ZNF519: variants seen among roughly 807,000 people sequenced by gnomAD.
The protein encoded by ZNF519 is similar to Zinc finger protein 85 (Zinc finger protein HPF4) (HTF1).
Under a neutral mutation model 7.4 loss-of-function variants are expected in ZNF519, and 7 were observed. That is an observed-to-expected ratio of 0.94 (90% CI 0.54 to 1.77). The LOEUF (loss-of-function observed/expected upper bound fraction) is 1.77. ZNF519 is among the 40% of genes most tolerant of loss of function. ZNF519 has a pLI of 0.00. For synonymous variants in ZNF519, 179 were observed against 203.3 expected, an observed-to-expected ratio of 0.88 and a Z score of 1.02; for missense variants, 586 against 623.1, an observed-to-expected ratio of 0.94 and a Z score of 0.63.
At chr18:14,071,493 G>A (rs2046028228), downstream of ZNF519, 1 of 152,140 alleles carries the variant, frequency 6.6e-6, no homozygotes, top group South Asian at 2.1e-4. Context: ...AAGAAAATTA[G>A]GGTGAATAAT....
chr18:14,083,713 A>G (rs904369366), intron 3 of ZNF519, among the ~76,000 whole-genome samples: 3 of 152,218 alleles, frequency 2.0e-5, no homozygotes, highest in Non-Finnish European at 4.4e-5. Context: ...GTTCAAAGCC[A>G]AATCAATAGT....
intron 2 of ZNF519, among the ~76,000 whole-genome samples, chr18:14,116,681 T>G (rs1188580249): frequency 2.6e-5 from 4 of 152,214 alleles, no homozygotes; most frequent in Admixed American, 6.5e-5. Context: ...AATATTTAAA[T>G]GTAAGAATTA....
At chr18:14,086,235 A>G (rs535373315) in intron 2 of ZNF519, among the ~76,000 whole-genome samples, 1 of 152,310 alleles carries the variant, frequency 6.6e-6, no homozygotes, top group South Asian at 2.1e-4. Flanking sequence ...GTCCCTGTGG[A>G]CAGAGCCACT....
chr18:14,118,715 C>A (rs2046257115), intron 2 of ZNF519, among the ~76,000 whole-genome samples: 1 of 152,176 alleles, frequency 6.6e-6, no homozygotes, highest in Non-Finnish European at 1.5e-5. Context: ...CAACCTGTCT[C>A]AAACTCCTCT....
intron 1 of ZNF519, among the ~76,000 whole-genome samples, chr18:14,130,929 G>A (rs891367253): frequency 1.3e-5 from 2 of 151,948 alleles, no homozygotes; most frequent in African/African-American, 4.8e-5. Flanking sequence ...TCACCCCCAG[G>A]GCATTCAGCT....
rs2046152486 is a variant in ZNF519, at chr18:14,099,977, G to A, written c.*4940C>T. On this transcript the variant is annotated 3_prime_UTR_variant, in exon 3 of 3. Coordinates refer to ENST00000590202, the MANE Select transcript of ZNF519 (RefSeq NM_145287.4). Reference sequence around the variant, plus strand: ...AAAAAAACTTATTTATTGCCTATGTGAGCTAGTAACCAGAATATAAACAGA... The same window carrying A: ...AAAAAAACTTATTTATTGCCTATGTAAGCTAGTAACCAGAATATAAACAGA... The A allele has an allele frequency of 6.6e-6, 1 of 152,150 alleles. No homozygotes were observed. The highest frequency in any genetic ancestry group is 2.1e-4 in the South Asian group (1 of 4,826). 9.4% of individuals were successfully genotyped at this position (152,150 alleles called of 1,614,324 possible). A position where few individuals can be genotyped will look rare whatever the true frequency, so the allele number is the denominator to read the frequency against.
chr18:14,088,261 C>A (rs943831598), intron 2 of ZNF519, among the ~76,000 whole-genome samples: 3 of 152,092 alleles, frequency 2.0e-5, no homozygotes, highest in African/African-American at 7.2e-5. Flanking sequence ...AGTCTTGTTC[C>A]AAAGTAAAGA....
At chr18:14,130,802 G>A (rs2046325563) in intron 1 of ZNF519, among the ~76,000 whole-genome samples, 1 of 151,746 alleles carries the variant, frequency 6.6e-6, no homozygotes, top group Admixed American at 6.6e-5. Context: ...CATCTGATTG[G>A]CTGACAAGCA....
At chr18:14,078,865 T>C (rs1484952832) in intron 3 of ZNF519, among the ~76,000 whole-genome samples, 2 of 152,212 alleles carry the variant, frequency 1.3e-5, no homozygotes, top group Non-Finnish European at 2.9e-5. Flanking sequence ...AGATGTTCTA[T>C]GTGACTGAAA....
At chr18:14,132,165 A>C in intron 1 of ZNF519, 110 bp downstream of exon 1, 1 of 1,307,130 alleles carries the variant, frequency 7.7e-7, no homozygotes, top group Non-Finnish European at 1.1e-6. Context: ...GAGGGGACTG[A>C]GGGCTGAGCT....
downstream of ZNF519, chr18:14,075,804 C>T: frequency 6.6e-6 from 1 of 152,098 alleles, no homozygotes; most frequent in East Asian, 1.9e-4. Context: ...TGAAGGGAAA[C>T]ATGAGGTCTA....
intron 2 of ZNF519, among the ~76,000 whole-genome samples, chr18:14,120,589 AT>A (rs1433115052): frequency 1.1e-4 from 17 of 152,244 alleles, no homozygotes; most frequent in African/African-American, 3.6e-4. Flanking sequence ...GGAAAAAAAA[AT>A]TTTTTTAAAC....
rs1302214553 is a variant in ZNF519, at chr18:14,100,935, A to T, written c.*3982T>A. On this transcript the variant is annotated 3_prime_UTR_variant, in exon 3 of 3. Transcript: ENST00000590202. The stretch of plus-strand genomic sequence containing the variant: ...ATATGAATAACCAATCTATTCCCTC[A>T]GCAGTGCTTTCTACAAGGCCAAGTC... 1 of 152,226 alleles carries T rather than the reference A, an allele frequency of 6.6e-6. No individual in the cohort carries two copies. Among genetic ancestry groups the T allele is most frequent in the African/African-American group, 2.4e-5 (1 of 41,454 alleles). 9.4% of individuals were successfully genotyped at this position (152,226 alleles called of 1,614,324 possible). A position where few individuals can be genotyped will look rare whatever the true frequency, so the allele number is the denominator to read the frequency against.
chr18:14,122,744 C>T (rs1331439560), intron 2 of ZNF519: 3 of 151,982 alleles, frequency 2.0e-5, no homozygotes, highest in Non-Finnish European at 4.4e-5. Flanking sequence ...TCCCAAACTA[C>T]ATTTTTTTTT....
At chr18:14,092,417 A>G (rs990333943) in intron 2 of ZNF519, among the ~76,000 whole-genome samples, 3 of 152,184 alleles carry the variant, frequency 2.0e-5, no homozygotes, top group Non-Finnish European at 4.4e-5. Flanking sequence ...TCAGGGGGAT[A>G]TAAGTGTAGG....
Position 14,106,097 on chromosome 18 carries a change from TTA to T in ZNF519, c.441_442del (p.His147GlnfsTer9). On this transcript the variant is annotated frameshift_variant, in exon 3 of 3. Transcript: ENST00000590202. LOFTEE classifies it low-confidence loss of function (END_TRUNC). ...ATTACAAAAGACAGATTTCAAAAAT[TTA>T]TGTTGATATTTATTCATAGGAATAC... 1.2e-6 allele frequency: 2 copies of T among 1,606,140 alleles called. No homozygotes were observed. The highest frequency in any genetic ancestry group is 1.1e-5 in the South Asian group (1 of 89,076).
chr18:14,105,764 T>C lies in ZNF519; in HGVS notation c.776A>G (p.Asn259Ser), dbSNP rs767359477. The change falls in exon 3 of 3, where the codon AAC becomes AGC. Residue 259 changes from asparagine to serine, a missense_variant. Coordinates refer to ENST00000590202, the MANE Select transcript of ZNF519 (RefSeq NM_145287.4). Reference sequence around the variant, plus strand: ...ATATTTCACTGATTTTTCTCCAGTGTTAATTATCTTATGTCCCTTTAGATG... The same window carrying C: ...ATATTTCACTGATTTTTCTCCAGTGCTAATTATCTTATGTCCCTTTAGATG... ...QSHLKGHKII[N>S]TGEKSVKYKE... 1 of 1,613,814 alleles carries C rather than the reference T, an allele frequency of 6.2e-7. No individual in the cohort carries two copies. The highest frequency in any genetic ancestry group is 1.1e-5 in the South Asian group (1 of 91,034).
chr18:14,128,144 T>G (rs1295554698), intron 1 of ZNF519, among the ~76,000 whole-genome samples: 1 of 150,324 alleles, frequency 6.7e-6, no homozygotes. Flanking sequence ...AAAAAAAAAA[T>G]TAGCCGGGTG....
chr18:14,078,442 AAT>A (rs1379174169), intron 3 of ZNF519: 3 of 152,218 alleles, frequency 2.0e-5, no homozygotes, highest in Non-Finnish European at 2.9e-5. Flanking sequence ...TACAGAAAAA[AAT>A]AGACATTTAT....
Sources: gnomAD v4.1 joint callset for allele counts (sites outside exome capture counted in the v4.1 genomes callset) on GRCh38, gnomAD v4.1.1 for gene constraint, MANE v1.5 for transcripts, NCBI Gene and HGNC (gene_info 2026-07-23, HGNC 2026-07-21) for gene names.